Variants in ANO3 observed in about 807,000 individuals in gnomAD.
The protein encoded by ANO3 is anoctamin-3.
A neutral mutation model predicts 144.8 loss-of-function variants in ANO3; 99 were observed. The observed-to-expected ratio is 0.68, with a 90% CI of 0.58 to 0.81. The LOEUF is 0.81. Among genes scored for constraint, ANO3 ranks in the 30% least tolerant of loss-of-function variants. The pLI is 0.00. For missense variants in ANO3, 905 were observed against 1,202.2 expected (o/e 0.75, Z 3.66); for synonymous variants, 414 against 392.6 (o/e 1.05, Z -0.64).
intron 1 of ANO3, among the ~76,000 whole-genome samples, chr11:26,249,534 C>T (rs934146828): frequency 1.3e-5 from 2 of 151,666 alleles, no homozygotes; most frequent in Admixed American, 6.6e-5. Flanking sequence ...CTTCTCCTGG[C>T]CCTGGTGGTT....
At chr11:26,329,081 A>C (rs1388526463), upstream of ANO3, among the ~76,000 whole-genome samples, 1 of 152,044 alleles carries the variant, frequency 6.6e-6, no homozygotes, top group Non-Finnish European at 1.5e-5. Context: ...TGAAGCTAAA[A>C]ATAGTAGGAA....
intron 1 of ANO3, among the ~76,000 whole-genome samples, chr11:26,290,803 A>C (rs910716106): frequency 6.6e-6 from 1 of 152,146 alleles, no homozygotes; most frequent in Admixed American, 6.5e-5. Context: ...GTTCTTTTAC[A>C]TTTGGTGAGG....
intron 1 of ANO3, among the ~76,000 whole-genome samples, chr11:26,314,279 C>T (rs986910476): frequency 6.6e-6 from 1 of 152,166 alleles, no homozygotes; most frequent in African/African-American, 2.4e-5. Context: ...CTTAGTTATG[C>T]ATTTTCCAGC....
chr11:26,567,938 C>A lies in ANO3; in HGVS notation c.1447+8159C>A, dbSNP rs148417406. On this transcript the variant is annotated intron_variant, in intron 14 of 26. Transcript: ENST00000256737. ...CATGTATATAAAGTTCAAAAACAGG[C>A]AAAAAGCTACAATGATACGATTGGG... 6.0e-4 allele frequency among the ~76,000 whole-genome samples: 91 copies of A among 151,928 alleles called. 2 individuals carry two copies. In the East Asian group the frequency reaches 0.015, roughly 25 times the overall value.
chr11:26,453,020 A>G (rs1429069689), intron 3 of ANO3, among the ~76,000 whole-genome samples: 1 of 152,056 alleles, frequency 6.6e-6, no homozygotes, highest in East Asian at 1.9e-4. Context: ...TTTACAGACA[A>G]GCAAATGCTG....
intron 4 of ANO3, among the ~76,000 whole-genome samples, chr11:26,469,982 G>A (rs1165272827): frequency 6.6e-6 from 1 of 151,844 alleles, no homozygotes; most frequent in Non-Finnish European, 1.5e-5. Flanking sequence ...TTTATTCCTT[G>A]CTGGCCAATA....
intron 1 of ANO3, among the ~76,000 whole-genome samples, chr11:26,384,411 C>G (rs1290872318): frequency 1.3e-5 from 2 of 151,924 alleles, no homozygotes; most frequent in Admixed American, 6.6e-5. Flanking sequence ...AAGAATCATA[C>G]CTATTAGCTC....
At chr11:26,609,720 C>T (rs1361422112) in intron 17 of ANO3, among the ~76,000 whole-genome samples, 1 of 152,072 alleles carries the variant, frequency 6.6e-6, no homozygotes, top group Non-Finnish European at 1.5e-5. Flanking sequence ...GATATCTCTT[C>T]TACATACTGA....
At chr11:26,315,686 CATCTATCTATCT>C (rs764949318) in intron 1 of ANO3, among the ~76,000 whole-genome samples, 1 of 108,228 alleles carries the variant, frequency 9.2e-6, no homozygotes, top group Non-Finnish European at 2.2e-5. Context: ...TCTATCTATC[CATCTATCTATCT>C]ATCTATCTAT....
chr11:26,389,028 T>G lies in ANO3; in HGVS notation c.47-52890T>G, dbSNP rs577735082. 1.2e-3 allele frequency among the ~76,000 whole-genome samples: 189 copies of G among 152,282 alleles called. 1 individual carries two copies. The highest frequency in any genetic ancestry group is 4.3e-3 in the African/African-American group (177 of 41,570). On this transcript the variant is annotated intron_variant, in intron 1 of 26. Coordinates refer to ENST00000256737, the MANE Select transcript of ANO3 (RefSeq NM_031418.4). ...AGGCAAACCTAGAAGCGTTCTTGTC[T>G]TTGATATGCAAAATTCAATGTTTAG...
At chr11:26,523,365 C>G (rs1043832109) in intron 6 of ANO3, among the ~76,000 whole-genome samples, 1 of 152,168 alleles carries the variant, frequency 6.6e-6, no homozygotes, top group African/African-American at 2.4e-5. Context: ...AGAAATAAAA[C>G]CTCTCATATC....
chr11:26,414,364 G>C (rs1017423453), intron 1 of ANO3, among the ~76,000 whole-genome samples: 1 of 152,022 alleles, frequency 6.6e-6, no homozygotes, highest in Non-Finnish European at 1.5e-5. Context: ...CAATAGACTG[G>C]ATAAAGAAAA....
At chr11:26,482,049 T>A (rs1181057521) in intron 4 of ANO3, among the ~76,000 whole-genome samples, 1 of 151,800 alleles carries the variant, frequency 6.6e-6, no homozygotes, top group Admixed American at 6.6e-5. Context: ...CATGCTACCA[T>A]GCCTTGCTCA....
rs1433627005 is a variant in ANO3 at position 26,293,575 on chromosome 11, A to ATG, written c.155-16069_155-16068insGT. Among the ~76,000 whole-genome samples, 108 of 116,134 alleles carry ATG rather than the reference A, an allele frequency of 9.3e-4. 1 individual carries two copies. Among genetic ancestry groups the ATG allele is most frequent in the Admixed American group, 1.9e-4 (2 of 10,804 alleles). The allele number at this position is 116,134 out of a possible 152,430, so 76.2% of individuals were successfully genotyped here. On this transcript the variant is annotated intron_variant, in intron 1 of 27. Transcript: ENST00000672621. ...TATATATATATATATATATATATAT[A>ATG]TTCCTGTTGTTTTTCATGTTTTGCT...
At chr11:26,416,521 G>A (rs982559627) in intron 1 of ANO3, among the ~76,000 whole-genome samples, 6 of 151,624 alleles carry the variant, frequency 4.0e-5, no homozygotes, top group Admixed American at 6.6e-5. Flanking sequence ...CCTCCTCCCA[G>A]GTTCAAACGA....
At chr11:26,333,217 T>C (rs530554930) in intron 1 of ANO3, among the ~76,000 whole-genome samples, 5 of 152,270 alleles carry the variant, frequency 3.3e-5, no homozygotes, top group Admixed American at 6.5e-5. Context: ...TTAAATATTC[T>C]CATCCCCACC....
chr11:26,634,176 G>A (rs2133041414), intron 18 of ANO3, 28 bp from the exon 19 acceptor site: 34 of 1,461,874 alleles, frequency 2.3e-5, no homozygotes, highest in Non-Finnish European at 3.2e-5. Flanking sequence ...CACCTCACCT[G>A]TGTCAATGCA....
At chr11:26,448,312 A>G (rs924723991) in intron 3 of ANO3, among the ~76,000 whole-genome samples, 4 of 151,894 alleles carry the variant, frequency 2.6e-5, no homozygotes, top group Non-Finnish European at 2.9e-5. Context: ...AAAAAAAAAA[A>G]AAAGAAAGAA....
chr11:26,473,895 T>C (rs536191215), intron 4 of ANO3: 64 of 946,478 alleles, frequency 6.8e-5, no homozygotes, highest in Non-Finnish European at 7.8e-5. Context: ...GAGTTATCTT[T>C]AAAAAAAAAT....
Sources: allele counts gnomAD v4.1 joint callset (sites outside exome capture counted in the v4.1 genomes callset), GRCh38; gene constraint gnomAD v4.1.1; transcripts MANE v1.5; gene names NCBI Gene and HGNC (gene_info 2026-07-23, HGNC 2026-07-21).